The following EXOC4 variants were observed in gnomAD, a reference collection of about 807,000 sequenced individuals.
EXOC4 encodes the protein SEC8-like 1.
A neutral mutation model predicts 107.2 loss-of-function variants in EXOC4; 71 were observed. The ratio of observed to expected loss-of-function variants is 0.66; its 90% CI spans 0.55 to 0.81. The LOEUF (loss-of-function observed/expected upper bound fraction) is 0.81. Ranked by LOEUF, EXOC4 falls within the 30% of genes least tolerant of loss-of-function variation. The pLI, the probability that EXOC4 is intolerant of heterozygous loss-of-function variation, is 0.00. For synonymous variants in EXOC4, 456 were observed against 441.2 expected (o/e 1.03, Z -0.42); for missense variants, 1,108 against 1,189.6 (o/e 0.93, Z 1.01).
At chr7:133,808,520 G>T (rs1467489810) in intron 10 of EXOC4, among the ~76,000 whole-genome samples, 1 of 152,094 alleles carries the variant, frequency 6.6e-6, no homozygotes, top group Non-Finnish European at 1.5e-5. Context: ...TTTCCAGTTT[G>T]CTCTGTGTCT....
At chr7:133,299,051 T>A (rs1034114843) in intron 3 of EXOC4, among the ~76,000 whole-genome samples, 2 of 152,124 alleles carry the variant, frequency 1.3e-5, no homozygotes, top group African/African-American at 4.8e-5. Context: ...TTGCAAACAC[T>A]TTGCATGGAA....
intron 1 of EXOC4, among the ~76,000 whole-genome samples, chr7:133,266,621 C>G (rs1011276804): frequency 1.3e-5 from 2 of 152,166 alleles, no homozygotes; most frequent in African/African-American, 4.8e-5. Context: ...TCCTGAAATT[C>G]TAGACTTAAA....
chr7:133,611,432 TGATCTTCTGACATTTTCATTGTGTCAC>T, intron 9 of EXOC4, among the ~76,000 whole-genome samples: 1 of 152,306 alleles, frequency 6.6e-6, no homozygotes, highest in East Asian at 1.9e-4. Flanking sequence ...TTTAAAGACA[TGATCTTCTGACATTTTCATTGTGTCAC>T]TCGCCTGCTC....
intron 10 of EXOC4, among the ~76,000 whole-genome samples, chr7:133,694,508 A>C (rs1251450024): frequency 6.6e-6 from 1 of 152,238 alleles, no homozygotes; most frequent in Non-Finnish European, 1.5e-5. Context: ...TATCATACTG[A>C]AATTGTCTAC....
chr7:133,437,046 T>A (rs1429247489), intron 7 of EXOC4, among the ~76,000 whole-genome samples: 1 of 152,192 alleles, frequency 6.6e-6, no homozygotes, highest in Non-Finnish European at 1.5e-5. Context: ...TTCATTAAGA[T>A]ATATTATGGT....
In EXOC4 at chr7:133,452,001, G is replaced by A. The variant is rs187919114; in HGVS notation, c.1183-23327G>A. Among the ~76,000 whole-genome samples, 249 of 152,246 alleles carry A rather than the reference G, an allele frequency of 1.6e-3. 1 individual carries two copies. The highest frequency in any genetic ancestry group is 6.8e-3 in the Middle Eastern group (2 of 294). On this transcript the variant is annotated intron_variant, in intron 7 of 17. Transcript: ENST00000253861. ...TTTACCATCTTAACCATTTTTAATTGTACGGTTCAGTAGTGTTAACTATAT... is the reference window on the plus strand; with the variant it reads ...TTTACCATCTTAACCATTTTTAATTATACGGTTCAGTAGTGTTAACTATAT...
At chr7:133,960,213 C>T (rs973725770) in intron 14 of EXOC4, among the ~76,000 whole-genome samples, 4 of 152,126 alleles carry the variant, frequency 2.6e-5, no homozygotes, top group African/African-American at 9.7e-5. Context: ...AATTGTCCAT[C>T]ATAAGAGAGT....
chr7:133,567,656 A>T (rs1188502652), intron 9 of EXOC4, among the ~76,000 whole-genome samples: 2 of 152,208 alleles, frequency 1.3e-5, no homozygotes, highest in Non-Finnish European at 2.9e-5. Flanking sequence ...GATAATTTAT[A>T]AAGAACAAAA....
chr7:134,083,594 TGGTG>T, the EXOC4 span, among the ~76,000 whole-genome samples: 1 of 152,268 alleles, frequency 6.6e-6, no homozygotes, highest in South Asian at 2.1e-4. Flanking sequence ...CCTGACACCT[TGGTG>T]GGAACAGCTC....
chr7:133,705,475 C>T (rs913751486), intron 10 of EXOC4, among the ~76,000 whole-genome samples: 6 of 152,142 alleles, frequency 3.9e-5, no homozygotes, highest in Non-Finnish European at 5.9e-5. Context: ...AGTTACTAAA[C>T]AAATAAAAAT....
chr7:133,980,820 T>C (rs1476222937), intron 14 of EXOC4, among the ~76,000 whole-genome samples: 1 of 152,192 alleles, frequency 6.6e-6, no homozygotes, highest in Non-Finnish European at 1.5e-5. Flanking sequence ...CTAGGGATTA[T>C]GTGGCAAAAC....
intron 14 of EXOC4, among the ~76,000 whole-genome samples, chr7:133,966,947 G>A (rs182840568): frequency 4.6e-5 from 7 of 152,196 alleles, no homozygotes; most frequent in South Asian, 2.1e-4. Flanking sequence ...CTGTGAATTC[G>A]TCTGGTCCTT....
chr7:133,958,026 C>A (rs1287383007), intron 14 of EXOC4, among the ~76,000 whole-genome samples: 1 of 152,146 alleles, frequency 6.6e-6, no homozygotes, highest in Non-Finnish European at 1.5e-5. Flanking sequence ...CATGGGGCCT[C>A]GTGATACTTC....
intron 7 of EXOC4, among the ~76,000 whole-genome samples, chr7:133,450,756 TA>T (rs781259003): frequency 5.3e-5 from 8 of 152,258 alleles, no homozygotes; most frequent in Non-Finnish European, 1.2e-4. Context: ...CTGAAACACA[TA>T]AAATAATAAA....
chr7:133,527,408 A>G (rs1800101528), intron 9 of EXOC4, among the ~76,000 whole-genome samples: 1 of 152,144 alleles, frequency 6.6e-6, no homozygotes, highest in South Asian at 2.1e-4. Context: ...CCATCTCCAA[A>G]AAAAATAAAA....
At chr7:133,823,841 TATTATA>T (rs1180265542) in intron 11 of EXOC4, among the ~76,000 whole-genome samples, 2 of 8,836 alleles carry the variant, frequency 2.3e-4, no homozygotes, top group Non-Finnish European at 4.1e-4. Context: ...TATATATATA[TATTATA>T]TATATATATA....
intron 9 of EXOC4, among the ~76,000 whole-genome samples, chr7:133,614,789 CAAAAAAAAA>C (rs35947572): frequency 4.5e-4 from 28 of 61,680 alleles, no homozygotes; most frequent in African/African-American, 1.8e-3. Context: ...GTACATATGG[CAAAAAAAAA>C]AAAAAAAAAA....
intron 10 of EXOC4, among the ~76,000 whole-genome samples, chr7:133,697,943 G>A (rs946483936): frequency 1.3e-5 from 2 of 152,174 alleles, no homozygotes; most frequent in Admixed American, 6.5e-5. Flanking sequence ...TACTCAGAAA[G>A]GACTCAGAGG....
At chr7:133,756,862 A>C (rs559789710) in intron 10 of EXOC4, among the ~76,000 whole-genome samples, 1 of 152,336 alleles carries the variant, frequency 6.6e-6, no homozygotes, top group African/African-American at 2.4e-5. Context: ...AGTTCAATAT[A>C]TCTGGATCTG....
Sources: allele counts gnomAD v4.1 joint callset (sites outside exome capture counted in the v4.1 genomes callset), GRCh38; gene constraint gnomAD v4.1.1; transcripts MANE v1.5; gene names NCBI Gene and HGNC (gene_info 2026-07-23, HGNC 2026-07-21).